Variants in GRM8 observed in about 807,000 individuals in gnomAD.
GRM8 encodes the protein glutamate metabotropic receptor 8.
GRM8 carries 47 observed loss-of-function variants against 87.2 expected under a neutral mutation model. That is an observed-to-expected ratio of 0.54 (90% confidence interval 0.43 to 0.69). The LOEUF (loss-of-function observed/expected upper bound fraction) is 0.69, where lower values mean the gene tolerates loss of function less well. GRM8 is among the 30% of genes least tolerant of loss of function. The probability of loss-of-function intolerance (pLI) is 0.00; values close to 1 mark genes in which losing one functional copy is unlikely to be tolerated. For missense variants in GRM8, 1,019 were observed against 1,139.2 expected, an observed-to-expected ratio of 0.89 and a Z score of 1.52; for synonymous variants, 396 against 404.5, an observed-to-expected ratio of 0.98 and a Z score of 0.25.
intron 7 of GRM8, among the ~76,000 whole-genome samples, chr7:126,637,382 G>C (rs1801966194): frequency 6.6e-6 from 1 of 151,992 alleles, no homozygotes; most frequent in South Asian, 2.1e-4. Flanking sequence ...AGTAGTGATG[G>C]TTGTTCAACA....
At chr7:127,048,391 TG>T (rs895026876) in intron 3 of GRM8, among the ~76,000 whole-genome samples, 7 of 152,178 alleles carry the variant, frequency 4.6e-5, no homozygotes, top group Admixed American at 2.0e-4. Flanking sequence ...GAGGCCCTGG[TG>T]GGCTTTACTC....
At chr7:127,131,595 T>G in intron 2 of GRM8, among the ~76,000 whole-genome samples, 1 of 152,202 alleles carries the variant, frequency 6.6e-6, no homozygotes, top group East Asian at 1.9e-4. Flanking sequence ...GTGGGGACAC[T>G]GGTTTAAGGT....
chr7:127,214,097 T>G (rs1001761098), intron 2 of GRM8, among the ~76,000 whole-genome samples: 1 of 152,240 alleles, frequency 6.6e-6, no homozygotes, highest in Admixed American at 6.5e-5. Flanking sequence ...AAAGATTATA[T>G]AGTATATAAA....
intron 2 of GRM8, among the ~76,000 whole-genome samples, chr7:127,179,410 A>T (rs529121257): frequency 3.2e-4 from 49 of 152,198 alleles, no homozygotes; most frequent in Non-Finnish European, 6.0e-4. Context: ...TGGAGACTTC[A>T]ATACTCCACT....
At chr7:127,071,049 T>C (rs1821634329) in intron 3 of GRM8, among the ~76,000 whole-genome samples, 1 of 152,184 alleles carries the variant, frequency 6.6e-6, no homozygotes, top group African/African-American at 2.4e-5. Flanking sequence ...TATCTGGGTC[T>C]GCAAACGGCA....
intron 7 of GRM8, among the ~76,000 whole-genome samples, chr7:126,662,561 TA>T (rs963192295): frequency 6.6e-6 from 1 of 152,188 alleles, no homozygotes; most frequent in African/African-American, 2.4e-5. Flanking sequence ...AAGGCATATC[TA>T]AAGAGATCAA....
chr7:127,169,469 G>A (rs1225774336), intron 2 of GRM8, among the ~76,000 whole-genome samples: 9 of 152,174 alleles, frequency 5.9e-5, no homozygotes. Context: ...ACATAAAAGT[G>A]CAAGGGGAAG....
chr7:127,230,881 C>G (rs1434536648), intron 2 of GRM8, among the ~76,000 whole-genome samples: 1 of 152,312 alleles, frequency 6.6e-6, no homozygotes, highest in Admixed American at 6.5e-5. Flanking sequence ...CAGCCTATAA[C>G]AGAGCTGATT....
At chr7:126,665,719 C>A (rs914673195) in intron 7 of GRM8, among the ~76,000 whole-genome samples, 2 of 151,950 alleles carry the variant, frequency 1.3e-5, no homozygotes, top group African/African-American at 4.8e-5. Context: ...CCTAAACATG[C>A]ACTTGTACTC....
rs1189944716 is a variant in GRM8, at chr7:126,608,759, CTTTTTT to C, written c.1494+597_1494+602del. On this transcript the variant is annotated intron_variant, in intron 8 of 10. Transcript: ENST00000339582. ...TGTGATGTGGCAAAAGTGATGTGCC[CTTTTTT>C]TTTTTTTTTTTTTCTTGAGACGGAG... Among the ~76,000 whole-genome samples the C allele has an allele frequency of 4.3e-5, 6 of 138,178 alleles. No individual in the cohort carries two copies. In the Admixed American group the frequency reaches 4.3e-4, roughly 10 times the overall value. 90.7% of individuals were successfully genotyped at this position (138,178 alleles called of 152,430 possible).
At chr7:126,803,964 CTGAT>C (rs773265089) in intron 6 of GRM8, among the ~76,000 whole-genome samples, 4 of 152,206 alleles carry the variant, frequency 2.6e-5, no homozygotes, top group African/African-American at 7.2e-5. Flanking sequence ...AAGTCCCTGA[CTGAT>C]TGAGTACCTT....
chr7:126,990,646 G>A (rs1033875240), intron 3 of GRM8, among the ~76,000 whole-genome samples: 1 of 152,174 alleles, frequency 6.6e-6, no homozygotes, highest in African/African-American at 2.4e-5. Context: ...TTTAAATCCT[G>A]GTTCTGCCTT....
At chr7:127,082,176 T>G (rs1373148361) in intron 3 of GRM8, 1 of 152,236 alleles carries the variant, frequency 6.6e-6, no homozygotes, top group African/African-American at 2.4e-5. Flanking sequence ...CTGATAATCC[T>G]GAAAACATTT....
intron 7 of GRM8, among the ~76,000 whole-genome samples, chr7:126,660,465 A>C (rs1028122951): frequency 3.3e-5 from 5 of 152,192 alleles, no homozygotes; most frequent in Non-Finnish European, 7.4e-5. Context: ...ATCTAAGTTT[A>C]ATTTTCTCCA....
At chr7:127,203,956 G>T (rs560278774) in intron 2 of GRM8, among the ~76,000 whole-genome samples, 2 of 152,034 alleles carry the variant, frequency 1.3e-5, no homozygotes, top group Non-Finnish European at 2.9e-5. Context: ...TTATATAAAC[G>T]TATGTCATGC....
chr7:126,781,742 G>T (rs1004097509), intron 6 of GRM8, among the ~76,000 whole-genome samples: 3 of 151,922 alleles, frequency 2.0e-5, no homozygotes, highest in East Asian at 1.9e-4. Flanking sequence ...TTGAGACAGG[G>T]TCTCACTCTG....
intron 10 of GRM8, among the ~76,000 whole-genome samples, chr7:126,443,214 T>C (rs1313011140): frequency 9.5e-6 from 1 of 105,816 alleles, no homozygotes; most frequent in East Asian, 3.6e-4. Context: ...TTGGGTACAG[T>C]TGGCAAAATT....
chr7:126,651,790 G>A (rs1008656321), intron 7 of GRM8, among the ~76,000 whole-genome samples: 1 of 152,156 alleles, frequency 6.6e-6, no homozygotes, highest in Non-Finnish European at 1.5e-5. Flanking sequence ...GTAAAGAAGA[G>A]TATGCATGGA....
chr7:127,087,234 C>G (rs1336466257), intron 3 of GRM8, among the ~76,000 whole-genome samples: 1 of 152,196 alleles, frequency 6.6e-6, no homozygotes, highest in Non-Finnish European at 1.5e-5. Context: ...CAACACCAAG[C>G]TGTGGGAGGG....
Sources: gnomAD v4.1 joint callset for allele counts (sites outside exome capture counted in the v4.1 genomes callset) on GRCh38, gnomAD v4.1.1 for gene constraint, MANE v1.5 for transcripts, NCBI Gene and HGNC (gene_info 2026-07-23, HGNC 2026-07-21) for gene names.